The following TIMM50 variants were observed in gnomAD, a reference collection of about 807,000 sequenced individuals.
The protein encoded by TIMM50 is mitochondrial import inner membrane translocase subunit TIM50.
Under a neutral mutation model 49.6 loss-of-function variants are expected in TIMM50, and 34 were observed. That is an observed-to-expected ratio of 0.69 (90% CI 0.52 to 0.91). TIMM50 has a LOEUF of 0.91. Among genes scored for constraint, TIMM50 ranks in the 40% least tolerant of loss-of-function variants. The pLI is 0.00. For synonymous variants in TIMM50, 199 were observed against 198.4 expected (o/e 1.00, Z -0.03); for missense variants, 458 against 477.8 (o/e 0.96, Z 0.39).
chr19:39,481,264 A>G (rs1173424978), intron 1 of TIMM50: 1 of 443,242 alleles, frequency 2.3e-6, no homozygotes, highest in Admixed American at 4.1e-5. Flanking sequence ...GGGACGCTGG[A>G]GTCCCAGTCT....
chr19:39,483,083 G>A, intron 3 of TIMM50, 52 bp from the exon 4 acceptor site: 2 of 1,613,150 alleles, frequency 1.2e-6, no homozygotes, highest in South Asian at 2.2e-5. Flanking sequence ...TGTATGTGAT[G>A]GGGTTCTGCC....
chr19:39,482,187 C>A (rs985889577), intron 2 of TIMM50, among the ~76,000 whole-genome samples, 154 bp downstream of exon 2: 1 of 152,144 alleles, frequency 6.6e-6, no homozygotes, highest in African/African-American at 2.4e-5. Context: ...CCTTGAAAAC[C>A]AGGGAAGTCT....
In TIMM50 at chr19:39,488,565, G is replaced by T. The variant is rs772964061; in HGVS notation, c.880G>T (p.Val294Leu). 1 of 1,613,052 alleles carries T rather than the reference G, an allele frequency of 6.2e-7. No individual in the cohort carries two copies. Among genetic ancestry groups the T allele is most frequent in the East Asian group, 2.2e-5 (1 of 44,886 alleles). Residue 294 changes from valine (V) to leucine (L), a missense_variant, in exon 10 of 11, where the codon GTG (valine) becomes TTG (leucine). Physicochemically the swap from Val to Leu is conservative, Grantham distance 32. Transcript: ENST00000607714. ...CATTGCACTGAATGGTGTGGAGGAC[G>T]TGCGAACCGTGCTGGAGCACTATGC... is the stretch of plus-strand genomic sequence containing the variant. Reference protein sequence around the residue: ...KTIALNGVEDVRTVLEHYALE... With the variant: ...KTIALNGVEDLRTVLEHYALE...
intron 4 of TIMM50, among the ~76,000 whole-genome samples, chr19:39,484,773 T>A (rs1487016342): frequency 6.6e-6 from 1 of 152,070 alleles, no homozygotes. Context: ...CAAAATACAG[T>A]GGCATAAATT....
In TIMM50 at chr19:39,489,864, G is replaced by C; in HGVS notation, c.*44G>C. The C allele has an allele frequency of 6.4e-7, 1 of 1,554,168 alleles. No homozygotes were observed. Among genetic ancestry groups the C allele is most frequent in the Non-Finnish European group, 8.8e-7 (1 of 1,141,802 alleles). On this transcript the variant is annotated 3_prime_UTR_variant, in exon 11 of 11. Transcript: ENST00000607714. ...CTCAGTGCCTGGGTCCAGGGCCCCA[G>C]TGCTTCCAGACCAAGACTTGGGCCA...
At chr19:39,481,749 C>G in intron 1 of TIMM50, 134 bp from the exon 2 acceptor site, 1 of 1,173,312 alleles carries the variant, frequency 8.5e-7, no homozygotes, top group Non-Finnish European at 1.2e-6. Flanking sequence ...GACTGCTACT[C>G]CAGGGACACA....
chr19:39,489,698 C>T (rs1435751352), intron 10 of TIMM50, 21 bp from the exon 11 acceptor site: 3 of 1,588,478 alleles, frequency 1.9e-6, no homozygotes, highest in Non-Finnish European at 1.7e-6. Context: ...ACCCTCTCCT[C>T]CAACTGTCCC....
chr19:39,493,701 C>T lies in TIMM50; in HGVS notation c.*3881C>T, dbSNP rs2079563034. 6.6e-6 allele frequency: 1 copy of T among 152,146 alleles called. No individual in the cohort carries two copies. 9.4% of individuals were successfully genotyped at this position (152,146 alleles called of 1,614,324 possible). On this transcript the variant is annotated 3_prime_UTR_variant, in exon 11 of 11. Transcript: ENST00000607714. Reference sequence around the variant, plus strand: ...CCTTCCCAAATACTATAAAACAGCCCCACCCCTATCTCCCTTCGCTGACTC... The same window carrying T: ...CCTTCCCAAATACTATAAAACAGCCTCACCCCTATCTCCCTTCGCTGACTC...
At chr19:39,484,162 G>T (rs1334635272) in intron 4 of TIMM50, among the ~76,000 whole-genome samples, 1 of 152,144 alleles carries the variant, frequency 6.6e-6, no homozygotes, top group Non-Finnish European at 1.5e-5. Context: ...CCAATATATT[G>T]TGTTTTTTTT....
intron 8 of TIMM50, among the ~76,000 whole-genome samples, chr19:39,486,894 C>T (rs997657367): frequency 1.3e-5 from 2 of 152,096 alleles, no homozygotes; most frequent in African/African-American, 2.4e-5. Flanking sequence ...TTCAGGAGTC[C>T]GGATCTGCGA....
chr19:39,486,119 C>T, intron 6 of TIMM50, 68 bp from the exon 7 acceptor site: 4 of 1,483,228 alleles, frequency 2.7e-6, no homozygotes, highest in Non-Finnish European at 3.8e-6. Context: ...CAGGCTGGAT[C>T]TTTGTCCTCT....
At chr19:39,489,302 G>T in intron 10 of TIMM50, among the ~76,000 whole-genome samples, 1 of 152,068 alleles carries the variant, frequency 6.6e-6, no homozygotes, top group South Asian at 2.1e-4. Flanking sequence ...TTGGACCTGG[G>T]ATCTCACCAG....
chr19:39,486,417 T>C lies in TIMM50; in HGVS notation c.618T>C (p.Asp206=). The C allele has an allele frequency of 6.2e-7, 1 of 1,614,086 alleles. No individual in the cohort carries two copies. Among genetic ancestry groups the C allele is most frequent in the South Asian group, 1.1e-5 (1 of 91,080 alleles). The change falls in exon 8 of 11, where the codon GAT becomes GAC. Residue 206 remains aspartate (D), a synonymous_variant. Transcript: ENST00000607714. ...ETGMTAFPLI[D]SVDPHGFISY... is the part of the protein sequence containing the mutation. ...CCCAGACTGCGTTTCCACTCATTGA[T>C]AGTGTGGACCCCCATGGCTTCATCT...
Position 39,489,795 on chromosome 19 carries a change from T to C in TIMM50, c.1037T>C (p.Leu346Ser), listed in dbSNP as rs1457024394. Residue 346 changes from leucine (L) to serine (S), a missense_variant, in exon 11 of 11, where the codon TTG becomes TCG. Physicochemically the swap from Leu to Ser is moderately radical, Grantham distance 145. Transcript: ENST00000607714. ...TTCCTTGGCTCCCTCACCAGCCGCT[T>C]GTGGCCTCGCTCCAAACAGCCCTGA... ...NLFLGSLTSR[L>S]WPRSKQP The C allele has an allele frequency of 1.9e-6, 3 of 1,610,446 alleles. No individual in the cohort carries two copies. The African/African-American group carries it at 4.0e-5, about 22-fold the overall frequency.
intron 4 of TIMM50, 175 bp downstream of exon 4, chr19:39,483,331 C>A (rs896635297): frequency 1.8e-5 from 14 of 763,618 alleles, no homozygotes; most frequent in Admixed American, 5.3e-5. Context: ...AAGCCCACTT[C>A]CCTGGCCCCT....
intron 4 of TIMM50, chr19:39,483,380 G>T: frequency 3.5e-6 from 2 of 575,208 alleles, no homozygotes; most frequent in East Asian, 3.0e-5. Context: ...TGGGGGATTG[G>T]AGCCTTGGGT....
intron 1 of TIMM50, chr19:39,481,203 C>T: frequency 1.8e-6 from 1 of 556,748 alleles, no homozygotes. Context: ...GAGGGGGTTA[C>T]CGTTCCCCGT....
In TIMM50 at chr19:39,492,875, AAAAAAAAAAAAAAAAAAC is replaced by A. The variant is rs2079555135; in HGVS notation, c.*3066_*3083del. The A allele has an allele frequency of 7.1e-6, 1 of 141,736 alleles. No homozygotes were observed. The highest frequency in any genetic ancestry group is 2.7e-5 in the African/African-American group (1 of 36,480). The allele number at this position is 141,736 out of a possible 1,614,324, so 8.8% of individuals were successfully genotyped here. A position where few individuals can be genotyped will look rare whatever the true frequency, so the allele number is the denominator to read the frequency against. On this transcript the variant is annotated 3_prime_UTR_variant, in exon 11 of 11. Transcript: ENST00000607714. ...GACAGAGTAAGGCTCTGTCTCCAAA[AAAAAAAAAAAAAAAAAAC>A]AAAAAAAAAACCAGTTTGACTTTAT...
chr19:39,485,540 C>T lies in TIMM50; in HGVS notation c.314-4C>T. Reference sequence around the variant, plus strand: ...GAATCTCTTTGTGCCTGGTGTTCTCCTAGATCCAATTCTGGTACAGCAGTT... The same window carrying T: ...GAATCTCTTTGTGCCTGGTGTTCTCTTAGATCCAATTCTGGTACAGCAGTT... On this transcript the variant is annotated splice_polypyrimidine_tract_variant and splice_region_variant and intron_variant, in intron 4 of 10. Transcript: ENST00000607714. 1 of 1,614,136 alleles carries T rather than the reference C, an allele frequency of 6.2e-7. No individual in the cohort carries two copies. The highest frequency in any genetic ancestry group is 8.5e-7 in the Non-Finnish European group (1 of 1,180,034).
Sources: gnomAD v4.1 joint callset for allele counts (sites outside exome capture counted in the v4.1 genomes callset) on GRCh38, gnomAD v4.1.1 for gene constraint, MANE v1.5 for transcripts, NCBI Gene and HGNC (gene_info 2026-07-23, HGNC 2026-07-21) for gene names.